Variants in COP1 observed in about 807,000 individuals in gnomAD.
COP1 encodes COP1 E3 ubiquitin ligase.
A neutral mutation model predicts 101.3 loss-of-function variants in COP1; 24 were observed. That is an observed-to-expected ratio of 0.24 (90% CI 0.17 to 0.33). COP1 has a LOEUF of 0.33. Among genes scored for constraint, COP1 ranks in the 10% least tolerant of loss-of-function variants. COP1 has a pLI of 1.00. For missense variants in COP1, 663 were observed against 906.2 expected (o/e 0.73, Z 3.45); for synonymous variants, 347 against 341.9 (o/e 1.01, Z -0.17).
At chr1:176,198,338 T>C (rs1699918282) in intron 1 of COP1, among the ~76,000 whole-genome samples, 1 of 152,108 alleles carries the variant, frequency 6.6e-6, no homozygotes, top group Admixed American at 6.5e-5. Flanking sequence ...AACTCATATA[T>C]ATGGTTAATT....
At chr1:176,111,359 T>A (rs1685259113) in intron 9 of COP1, among the ~76,000 whole-genome samples, 2 of 152,068 alleles carry the variant, frequency 1.3e-5, no homozygotes, top group Admixed American at 1.3e-4. Flanking sequence ...AATGGCATGA[T>A]CTTGGCTCAC....
rs1014199007 is a variant in COP1 at position 175,986,850 on chromosome 1, T to C, written c.2133+93A>G. The C allele has an allele frequency of 5.2e-5, 53 of 1,018,852 alleles. 1 individual carries two copies. The Admixed American group carries it at 5.7e-4, about 11-fold the overall frequency. 63.1% of individuals were successfully genotyped at this position (1,018,852 alleles called of 1,614,324 possible). Reference sequence around the variant, plus strand: ...AGTTTTTTAAAAAGTACATACCACATACCAATTTATATTTTAAAATTTAAT... The same window carrying C: ...AGTTTTTTAAAAAGTACATACCACACACCAATTTATATTTTAAAATTTAAT... On this transcript the variant is annotated intron_variant, in intron 18 of 19. Coordinates refer to ENST00000367669, the MANE Select transcript of COP1 (RefSeq NM_022457.7).
intron 11 of COP1, among the ~76,000 whole-genome samples, chr1:176,049,540 T>C (rs944233435): frequency 6.6e-5 from 10 of 152,090 alleles, no homozygotes; most frequent in African/African-American, 2.4e-4. Flanking sequence ...TTCTAGAAAA[T>C]TTTGATTAAA....
intron 1 of COP1, among the ~76,000 whole-genome samples, chr1:176,190,140 AATGG>A (rs1249223077): frequency 6.6e-6 from 1 of 152,128 alleles, no homozygotes; most frequent in Non-Finnish European, 1.5e-5. Flanking sequence ...CATCATCCAA[AATGG>A]TTGAGACCAG....
At chr1:176,103,777 T>G (rs1182771514) in intron 9 of COP1, among the ~76,000 whole-genome samples, 1 of 152,128 alleles carries the variant, frequency 6.6e-6, no homozygotes, top group East Asian at 1.9e-4. Flanking sequence ...CTTTAAAAAA[T>G]GCTTAGAAAT....
chr1:176,161,903 G>C (rs1694384966), intron 5 of COP1, among the ~76,000 whole-genome samples: 1 of 152,186 alleles, frequency 6.6e-6, no homozygotes, highest in African/African-American at 2.4e-5. Flanking sequence ...CCAGATCCAA[G>C]CTAAGTTAAT....
At chr1:176,139,288 C>CAAAAAAAAAAAAAAAAAAAAAAA (rs563184945) in intron 6 of COP1, among the ~76,000 whole-genome samples, 1 of 108,382 alleles carries the variant, frequency 9.2e-6, no homozygotes, top group Admixed American at 9.2e-5. Context: ...ACAAAAAAAA[C>CAAAAAAAAAAAAAAAAAAAAAAA]AAAAAAAAAA....
At chr1:175,985,105 G>A (rs1206298488) in intron 18 of COP1, among the ~76,000 whole-genome samples, 1 of 152,038 alleles carries the variant, frequency 6.6e-6, no homozygotes, top group African/African-American at 2.4e-5. Context: ...ATTTGGGAGG[G>A]GCCAGAAGCA....
chr1:176,173,467 C>T lies in COP1; in HGVS notation c.565+2443G>A, dbSNP rs193135951. ...CCTGGAAAACATAGTGAGACCTTGTCTCTACAAAAACAAACAAACAAAAAT... is the reference window on the plus strand; with the variant it reads ...CCTGGAAAACATAGTGAGACCTTGTTTCTACAAAAACAAACAAACAAAAAT... On this transcript the variant is annotated intron_variant, in intron 3 of 19. Transcript: ENST00000367669. Among the ~76,000 whole-genome samples the T allele has an allele frequency of 3.9e-4, 59 of 151,500 alleles. 1 individual carries two copies. In the Middle Eastern group the frequency reaches 0.011, roughly 27 times the overall value.
chr1:176,067,976 C>G (rs187481956), intron 11 of COP1, among the ~76,000 whole-genome samples: 2 of 152,176 alleles, frequency 1.3e-5, no homozygotes, highest in Non-Finnish European at 1.5e-5. Context: ...ACACCCCCAT[C>G]GCACACCCTG....
chr1:176,152,913 AT>A (rs1269271408), intron 5 of COP1, among the ~76,000 whole-genome samples: 3 of 152,150 alleles, frequency 2.0e-5, no homozygotes, highest in African/African-American at 4.8e-5. Flanking sequence ...ACACTACAGT[AT>A]TTTCCTTAAA....
intron 1 of COP1, among the ~76,000 whole-genome samples, chr1:176,197,452 C>A (rs1413451185): frequency 6.6e-6 from 1 of 152,080 alleles, no homozygotes; most frequent in Admixed American, 6.5e-5. Context: ...CAGAAGAAAC[C>A]GAATCTGCCT....
At chr1:176,117,365 G>A (rs1255089447) in intron 8 of COP1, among the ~76,000 whole-genome samples, 3 of 151,430 alleles carry the variant, frequency 2.0e-5, no homozygotes, top group Non-Finnish European at 2.9e-5. Context: ...CTTTTTATTT[G>A]GTTATATCCT....
At chr1:176,203,639 A>G (rs1325318866) in intron 1 of COP1, among the ~76,000 whole-genome samples, 2 of 152,236 alleles carry the variant, frequency 1.3e-5, no homozygotes, top group African/African-American at 4.8e-5. Flanking sequence ...ATCCAATGTC[A>G]AGCTAAATAC....
At chr1:176,060,311 T>C (rs187147309) in intron 11 of COP1, among the ~76,000 whole-genome samples, 1 of 152,332 alleles carries the variant, frequency 6.6e-6, no homozygotes. Flanking sequence ...TCTTTCTCCT[T>C]AAAGCACTTA....
intron 1 of COP1, among the ~76,000 whole-genome samples, chr1:176,195,436 A>T (rs1221063916): frequency 6.6e-6 from 1 of 152,224 alleles, no homozygotes; most frequent in Non-Finnish European, 1.5e-5. Context: ...AATGAATGGG[A>T]GTATACTGAA....
At chr1:176,091,801 A>G (rs1462295603) in intron 9 of COP1, among the ~76,000 whole-genome samples, 2 of 152,196 alleles carry the variant, frequency 1.3e-5, no homozygotes, top group South Asian at 4.1e-4. Flanking sequence ...GAATGAAATT[A>G]TATCAGTATT....
chr1:176,075,475 T>TC (rs1300280448), intron 11 of COP1, among the ~76,000 whole-genome samples: 2 of 152,252 alleles, frequency 1.3e-5, no homozygotes, highest in Non-Finnish European at 2.9e-5. Flanking sequence ...TTAGGGTTAT[T>TC]CGTTCTAAGA....
At chr1:176,103,452 C>T (rs1683766628) in intron 9 of COP1, among the ~76,000 whole-genome samples, 1 of 152,192 alleles carries the variant, frequency 6.6e-6, no homozygotes, top group Non-Finnish European at 1.5e-5. Flanking sequence ...CTAGGATGAT[C>T]AGGAGAGCAT....
Sources: gnomAD v4.1 joint callset for allele counts (sites outside exome capture counted in the v4.1 genomes callset) on GRCh38, gnomAD v4.1.1 for gene constraint, MANE v1.5 for transcripts, NCBI Gene and HGNC (gene_info 2026-07-23, HGNC 2026-07-21) for gene names.